CCDC158: variants seen among roughly 807,000 people sequenced by gnomAD.
The protein encoded by CCDC158 is coiled-coil domain containing 158.
In CCDC158, 116 loss-of-function variants were observed where a neutral mutation model predicts 138.6. The observed-to-expected ratio is 0.84, with a 90% CI of 0.72 to 0.98. The LOEUF (loss-of-function observed/expected upper bound fraction) is 0.98. CCDC158 is among the 50% of genes least tolerant of loss of function. CCDC158 has a pLI of 0.00. For synonymous variants in CCDC158, 436 were observed against 442.4 expected (o/e 0.99, Z 0.18); for missense variants, 1,265 against 1,306.1 (o/e 0.97, Z 0.48).
chr4:76,323,387 T>A lies in CCDC158; in HGVS notation c.3192A>T (p.Glu1064Asp). The change falls in exon 24 of 25, where the codon GAA becomes GAT. Residue 1064 changes from glutamate to aspartate, a missense_variant. Physicochemically the swap from Glu to Asp is conservative, Grantham distance 45. Coordinates refer to ENST00000682701, the MANE Select transcript of CCDC158 (RefSeq NM_001394954.1). Reference sequence around the variant, plus strand: ...GCTTCCTGCATGTTTTTCCTGTTGTTTCTATTGGCGGAGACTGTGAATCTA... The same window carrying A: ...GCTTCCTGCATGTTTTTCCTGTTGTATCTATTGGCGGAGACTGTGAATCTA... The part of the protein sequence containing the change: ...SVKDSQSPPI[E>D]TTGKTCRKLQ... 6.2e-7 allele frequency: 1 copy of A among 1,611,846 alleles called. No homozygotes were observed. Among genetic ancestry groups the A allele is most frequent in the Non-Finnish European group, 8.5e-7 (1 of 1,178,932 alleles).
chr4:76,314,010 C>T (rs1191007157), intron 24 of CCDC158, among the ~76,000 whole-genome samples: 2 of 151,994 alleles, frequency 1.3e-5, no homozygotes, highest in East Asian at 3.9e-4. Flanking sequence ...TTCTTTCTTG[C>T]TATAATAAAT....
chr4:76,408,432 C>A (rs1042929831), intron 2 of CCDC158, among the ~76,000 whole-genome samples: 1 of 151,090 alleles, frequency 6.6e-6, no homozygotes, highest in Non-Finnish European at 1.5e-5. Flanking sequence ...TGAGAACATG[C>A]GGTGTTTGGT....
chr4:76,409,561 G>T (rs940742647), intron 2 of CCDC158, among the ~76,000 whole-genome samples: 6 of 152,178 alleles, frequency 3.9e-5, no homozygotes, highest in African/African-American at 1.4e-4. Context: ...GCCGGGAGCA[G>T]TGGCTTACAC....
chr4:76,331,257 C>A, intron 21 of CCDC158, 87 bp downstream of exon 21: 2 of 1,176,712 alleles, frequency 1.7e-6, no homozygotes, highest in Non-Finnish European at 2.5e-6. Context: ...CAGTGCATGG[C>A]ACATTACAGA....
intron 4 of CCDC158, among the ~76,000 whole-genome samples, chr4:76,391,877 A>T (rs901191161): frequency 7.9e-5 from 12 of 151,986 alleles, no homozygotes; most frequent in Non-Finnish European, 1.5e-4. Flanking sequence ...ATTTGTGGCT[A>T]CTATGAGTGA....
chr4:76,328,371 G>A (rs1460273440), intron 22 of CCDC158, among the ~76,000 whole-genome samples: 2 of 152,268 alleles, frequency 1.3e-5, no homozygotes, highest in Non-Finnish European at 2.9e-5. Flanking sequence ...GGGTGACACA[G>A]TATGTGAGAA....
chr4:76,339,516 A>G (rs1044606573), intron 18 of CCDC158, among the ~76,000 whole-genome samples: 2 of 152,260 alleles, frequency 1.3e-5, no homozygotes, highest in African/African-American at 4.8e-5. Flanking sequence ...CAACAAGGCA[A>G]CAATGCTTGT....
chr4:76,367,737 CT>C lies in CCDC158; in HGVS notation c.1386del (p.Val463TyrfsTer4). The C allele has an allele frequency of 6.2e-7, 1 of 1,607,318 alleles. No homozygotes were observed. ...AIQGKNESLE[K>X]VSSLTAQLES... ...TCAAGCTGAGCAGTCAAGGAGGATA[CT>C]TTTTCTAGACTTTCATTCTTTCCTT... On this transcript the variant is annotated frameshift_variant, in exon 12 of 25. Transcript: ENST00000682701. LOFTEE classifies it high-confidence loss of function.
intron 12 of CCDC158, among the ~76,000 whole-genome samples, chr4:76,366,638 A>ACACAC (rs34680628): frequency 0.12 from 17,595 of 147,840 alleles, 1,366 homozygotes; most frequent in South Asian, 0.3. Context: ...CACACACACA[A>ACACAC]ACACACACAC....
At chr4:76,356,302 C>T (rs1296204287) in intron 14 of CCDC158, among the ~76,000 whole-genome samples, 5 of 152,090 alleles carry the variant, frequency 3.3e-5, no homozygotes, top group Non-Finnish European at 7.4e-5. Context: ...ATTTGCTCAC[C>T]ACTTTGAAGA....
At position 76,367,551 on chromosome 4, in the gene CCDC158, G is replaced by T. The variant is rs756093518; in HGVS notation, c.1573C>A (p.Arg525=). ...TNAEITKLRS[R]VDLKLQELQH... Reference sequence around the variant, plus strand: ...AGCTCCTGCAATTTCAAGTCCACCCGGGAGCGGAGCTTTGTGATCTCTGCA... The same window carrying T: ...AGCTCCTGCAATTTCAAGTCCACCCTGGAGCGGAGCTTTGTGATCTCTGCA... Residue 525 remains arginine (R), a synonymous_variant, in exon 12 of 25, where the codon CGG becomes AGG. Coordinates refer to ENST00000682701, the MANE Select transcript of CCDC158 (RefSeq NM_001394954.1). The T allele has an allele frequency of 6.6e-5, 107 of 1,614,068 alleles. No individual in the cohort carries two copies. The highest frequency in any genetic ancestry group is 9.0e-5 in the Non-Finnish European group (106 of 1,180,040).
At chr4:76,400,256 G>A (rs1350417203) in intron 3 of CCDC158, among the ~76,000 whole-genome samples, 1 of 152,052 alleles carries the variant, frequency 6.6e-6, no homozygotes, top group African/African-American at 2.4e-5. Context: ...CTTTTGTAGA[G>A]ACATGGATGA....
chr4:76,394,137 T>C (rs951071653), intron 4 of CCDC158, among the ~76,000 whole-genome samples: 3 of 151,960 alleles, frequency 2.0e-5, no homozygotes, highest in African/African-American at 7.2e-5. Flanking sequence ...GGGTATATAC[T>C]CCCCAAAAAG....
chr4:76,390,888 AG>A (rs1376279811), intron 4 of CCDC158, among the ~76,000 whole-genome samples: 1 of 152,068 alleles, frequency 6.6e-6, no homozygotes, highest in Non-Finnish European at 1.5e-5. Context: ...GAGACAAAGA[AG>A]TCACAATATA....
At position 76,351,139 on chromosome 4, in the gene CCDC158, G is replaced by A; in HGVS notation, c.2539-18C>T. 2 of 1,586,192 alleles carry A rather than the reference G, an allele frequency of 1.3e-6. No individual in the cohort carries two copies. The highest frequency in any genetic ancestry group is 1.2e-5 in the South Asian group (1 of 86,396). Reference sequence around the variant, plus strand: ...TGAAGTTCCTGGAAAACAATATAGAGGTAAGCAAAATAACTGCCAGCCTAC... The same window carrying A: ...TGAAGTTCCTGGAAAACAATATAGAAGTAAGCAAAATAACTGCCAGCCTAC... On this transcript the variant is annotated intron_variant, in intron 17 of 24. Coordinates refer to ENST00000682701, the MANE Select transcript of CCDC158 (RefSeq NM_001394954.1).
At chr4:76,328,722 G>A (rs772326757) in intron 22 of CCDC158, among the ~76,000 whole-genome samples, 178 bp downstream of exon 22, 21 of 152,194 alleles carry the variant, frequency 1.4e-4, no homozygotes, top group Non-Finnish European at 2.5e-4. Flanking sequence ...GCTGCCTGAC[G>A]TGTTCAAGGA....
chr4:76,395,562 G>A (rs1469454917), intron 4 of CCDC158, among the ~76,000 whole-genome samples: 1 of 152,172 alleles, frequency 6.6e-6, no homozygotes. Context: ...AGGCAGACAA[G>A]GTAGAGAAGA....
chr4:76,394,112 A>G (rs1232409151), intron 4 of CCDC158, among the ~76,000 whole-genome samples: 3 of 152,172 alleles, frequency 2.0e-5, no homozygotes, highest in Admixed American at 1.3e-4. Flanking sequence ...CGTATGATCC[A>G]GCAATCCCAC....
chr4:76,372,969 C>T (rs756748824), intron 9 of CCDC158, among the ~76,000 whole-genome samples: 14 of 152,200 alleles, frequency 9.2e-5, no homozygotes, highest in Non-Finnish European at 1.9e-4. Context: ...CTGCCTCAGC[C>T]TCCCAAGTAG....
Sources: allele counts gnomAD v4.1 joint callset (sites outside exome capture counted in the v4.1 genomes callset), GRCh38; gene constraint gnomAD v4.1.1; transcripts MANE v1.5; gene names NCBI Gene and HGNC (gene_info 2026-07-23, HGNC 2026-07-21).